Variants in KCNN2 observed in about 807,000 individuals in gnomAD.
KCNN2 encodes small conductance calcium-activated potassium channel protein 2.
KCNN2 carries 24 observed loss-of-function variants against 55.5 expected under a neutral mutation model. That is an observed-to-expected ratio of 0.43 (90% confidence interval 0.31 to 0.61). KCNN2 has a LOEUF of 0.61. Among genes scored for constraint, KCNN2 ranks in the 20% least tolerant of loss-of-function variants. KCNN2 has a pLI of 0.08. For missense variants in KCNN2, 754 were observed against 853.6 expected (o/e 0.88, Z 1.45); for synonymous variants, 431 against 336.1 (o/e 1.28, Z -3.09).
At chr5:114,489,123 G>A (rs113123827) in intron 6 of KCNN2, 3 of 152,104 alleles carry the variant, frequency 2.0e-5, no homozygotes, top group Admixed American at 1.3e-4. Context: ...TTTATAGTAC[G>A]GTTCTGTAGC....
chr5:114,267,082 G>A lies in KCNN2; in HGVS notation c.-185+45517G>A, dbSNP rs559452345. Among the ~76,000 whole-genome samples, 377 of 140,128 alleles carry A rather than the reference G, an allele frequency of 2.7e-3. 3 individuals carry two copies. The highest frequency in any genetic ancestry group is 9.7e-3 in the African/African-American group (360 of 37,106). 91.9% of individuals were successfully genotyped at this position (140,128 alleles called of 152,430 possible). Reference sequence around the variant, plus strand: ...ACAATCTCAGCTCACTGCAACCTCCGCCTCCCAGGTTCAAGCGATTCTCCT... The same window carrying A: ...ACAATCTCAGCTCACTGCAACCTCCACCTCCCAGGTTCAAGCGATTCTCCT... On this transcript the variant is annotated intron_variant, in intron 2 of 10. Transcript: ENST00000512097.
At chr5:114,470,286 C>T (rs987810178) in intron 4 of KCNN2, among the ~76,000 whole-genome samples, 1 of 152,154 alleles carries the variant, frequency 6.6e-6, no homozygotes, top group Admixed American at 6.5e-5. Context: ...ATGCCAACTA[C>T]CCTCTCATAG....
chr5:114,080,146 C>G lies in KCNN2; in HGVS notation c.-271+23646C>G, dbSNP rs556714601. The stretch of plus-strand genomic sequence containing the variant: ...AAATGACTGGTGTCTCCTCCACACT[C>G]TTCTTCACAGTGCCAGACTCTAAGC... On this transcript the variant is annotated intron_variant, in intron 1 of 10. Coordinates refer to the KCNN2 transcript ENST00000512097. Among the ~76,000 whole-genome samples, 5 of 152,310 alleles carry G rather than the reference C, an allele frequency of 3.3e-5. No individual in the cohort carries two copies. The South Asian group carries it at 8.3e-4, about 25-fold the overall frequency.
In KCNN2 at chr5:114,123,393, C is replaced by T. The variant is rs1263410564; in HGVS notation, c.-271+66893C>T. Among the ~76,000 whole-genome samples the T allele has an allele frequency of 1.0e-4, 5 of 49,936 alleles. 1 individual carries two copies. The highest frequency in any genetic ancestry group is 2.1e-4 in the Admixed American group (1 of 4,770). 32.8% of individuals were successfully genotyped at this position (49,936 alleles called of 152,430 possible). A position where few individuals can be genotyped will look rare whatever the true frequency, so the allele number is the denominator to read the frequency against. ...TTTTTTTTTTTTTGAGACAGAGTCT[C>T]GCTCTGTTGCCCAGGCTGGAGTGCA... On this transcript the variant is annotated intron_variant, in intron 1 of 10. Transcript: ENST00000512097.
At chr5:114,175,095 T>C (rs1339704767) in intron 1 of KCNN2, among the ~76,000 whole-genome samples, 3 of 152,226 alleles carry the variant, frequency 2.0e-5, no homozygotes, top group African/African-American at 7.2e-5. Context: ...TGGGCTTGTT[T>C]AGCAAGAGGT....
intron 2 of KCNN2, among the ~76,000 whole-genome samples, chr5:114,281,135 T>G (rs1755615331): frequency 6.6e-6 from 1 of 152,182 alleles, no homozygotes; most frequent in Admixed American, 6.6e-5. Context: ...TCTACTCAGG[T>G]TTTGCCTTCC....
intron 3 of KCNN2, among the ~76,000 whole-genome samples, chr5:114,458,304 C>G (rs1761020969): frequency 6.6e-6 from 1 of 152,146 alleles, no homozygotes; most frequent in South Asian, 2.1e-4. Context: ...GATTAATGAA[C>G]ACAATTTGTT....
intron 1 of KCNN2, among the ~76,000 whole-genome samples, chr5:114,198,643 G>T (rs1313653217): frequency 6.6e-6 from 1 of 151,890 alleles, no homozygotes; most frequent in African/African-American, 2.4e-5. Context: ...ATGCTGAATC[G>T]AGTAGTATTG....
chr5:114,131,761 T>C (rs946275072), intron 1 of KCNN2, among the ~76,000 whole-genome samples: 1 of 152,214 alleles, frequency 6.6e-6, no homozygotes, highest in African/African-American at 2.4e-5. Context: ...GTAAAAGTGT[T>C]CCTTTTTCTT....
At chr5:114,186,388 G>C (rs1035429519) in intron 1 of KCNN2, among the ~76,000 whole-genome samples, 1 of 152,132 alleles carries the variant, frequency 6.6e-6, no homozygotes, top group Non-Finnish European at 1.5e-5. Context: ...AAAACCCAGA[G>C]TAACTGATAG....
chr5:114,075,158 C>T (rs1580487299), intron 1 of KCNN2, among the ~76,000 whole-genome samples: 1 of 152,256 alleles, frequency 6.6e-6, no homozygotes, highest in East Asian at 1.9e-4. Flanking sequence ...AGATTGGAGA[C>T]TGGAAGAAAT....
chr5:114,255,072 T>C (rs1754955042), intron 2 of KCNN2, among the ~76,000 whole-genome samples: 1 of 152,134 alleles, frequency 6.6e-6, no homozygotes, highest in Non-Finnish European at 1.5e-5. Context: ...AAGGCATAGG[T>C]ATTTATGCAG....
At chr5:114,475,291 T>G (rs1046643349) in intron 5 of KCNN2, among the ~76,000 whole-genome samples, 2 of 151,992 alleles carry the variant, frequency 1.3e-5, no homozygotes, top group South Asian at 4.1e-4. Context: ...TAATTCTTTT[T>G]CATGTGGGAC....
intron 1 of KCNN2, among the ~76,000 whole-genome samples, chr5:114,206,173 C>G (rs1408876645): frequency 6.6e-6 from 1 of 152,106 alleles, no homozygotes; most frequent in Non-Finnish European, 1.5e-5. Context: ...TACTTAAATT[C>G]AATATGAAAT....
At chr5:114,141,399 G>A (rs571174699) in intron 1 of KCNN2, among the ~76,000 whole-genome samples, 1 of 151,716 alleles carries the variant, frequency 6.6e-6, no homozygotes, top group African/African-American at 2.4e-5. Context: ...TTTTGTCCTT[G>A]TGATAGTTTG....
intron 1 of KCNN2, among the ~76,000 whole-genome samples, chr5:114,208,339 G>T (rs1402422109): frequency 1.3e-5 from 2 of 152,136 alleles, no homozygotes; most frequent in African/African-American, 4.8e-5. Flanking sequence ...CTCAGCAGAT[G>T]ATTTTATTTT....
At chr5:114,077,078 G>T (rs563822320) in intron 1 of KCNN2, among the ~76,000 whole-genome samples, 1 of 152,216 alleles carries the variant, frequency 6.6e-6, no homozygotes, top group African/African-American at 2.4e-5. Context: ...ATGGTAAAAA[G>T]GTGCCCATTT....
At chr5:114,481,261 G>T (rs1762210694) in intron 5 of KCNN2, among the ~76,000 whole-genome samples, 2 of 152,056 alleles carry the variant, frequency 1.3e-5, no homozygotes, top group Admixed American at 1.3e-4. Flanking sequence ...TGCTACCAAA[G>T]AATAAAATAC....
chr5:114,389,145 T>A (rs1260562368), intron 2 of KCNN2, among the ~76,000 whole-genome samples: 3 of 151,998 alleles, frequency 2.0e-5, no homozygotes, highest in African/African-American at 7.2e-5. Context: ...TGTCAATACT[T>A]GCTGCTGTAC....
Sources: gnomAD v4.1 joint callset for allele counts (sites outside exome capture counted in the v4.1 genomes callset) on GRCh38, gnomAD v4.1.1 for gene constraint, MANE v1.5 for transcripts, NCBI Gene and HGNC (gene_info 2026-07-23, HGNC 2026-07-21) for gene names.